Variants in LAMA2 observed in about 807,000 individuals in gnomAD.
LAMA2 encodes the protein laminin subunit alpha-2.
LAMA2 carries 269 observed loss-of-function variants against 364.8 expected under a neutral mutation model. The ratio of observed to expected loss-of-function variants is 0.74; its 90% CI spans 0.67 to 0.82. The LOEUF is 0.82. Ranked by LOEUF, LAMA2 falls within the 40% of genes least tolerant of loss-of-function variation. The pLI, the probability that LAMA2 is intolerant of heterozygous loss-of-function variation, is 0.00. For synonymous variants in LAMA2, 1,379 were observed against 1,370.6 expected (o/e 1.01, Z -0.14); for missense variants, 3,807 against 3,873.2 (o/e 0.98, Z 0.45).
At chr6:129,171,772 T>A (rs1780173904) in intron 9 of LAMA2, among the ~76,000 whole-genome samples, 1 of 116,558 alleles carries the variant, frequency 8.6e-6, no homozygotes, top group Non-Finnish European at 1.7e-5. Flanking sequence ...CAGAGTGTTT[T>A]CCAACTTGGT....
chr6:129,158,616 A>G (rs1779266654), intron 8 of LAMA2: 1 of 1,614,084 alleles, frequency 6.2e-7, no homozygotes, highest in African/African-American at 1.3e-5. Context: ...GCTGGAGAAG[A>G]TGATCATAGC....
intron 45 of LAMA2, among the ~76,000 whole-genome samples, chr6:129,451,693 A>G (rs1394473393): frequency 6.6e-6 from 1 of 152,172 alleles, no homozygotes; most frequent in Non-Finnish European, 1.5e-5. Flanking sequence ...GAATTTACCT[A>G]TTGCAAAAAT....
At chr6:128,902,965 A>G (rs1777183207) in intron 1 of LAMA2, among the ~76,000 whole-genome samples, 1 of 152,176 alleles carries the variant, frequency 6.6e-6, no homozygotes, top group Non-Finnish European at 1.5e-5. Flanking sequence ...CATTCTATTC[A>G]TAAATATGAC....
rs765600723 is a variant in LAMA2, at chr6:129,403,834, G to A, written c.5740G>A (p.Ala1914Thr). Residue 1914 changes from alanine (A) to threonine (T), a missense_variant, in exon 40 of 65, where the codon GCT becomes ACT. Physicochemically the swap from Ala to Thr is moderately conservative, Grantham distance 58. Coordinates refer to ENST00000421865, the MANE Select transcript of LAMA2 (RefSeq NM_000426.4). ...SAVLDGILDEAKNISFNATAA... is the reference protein window; with the variant it reads ...SAVLDGILDETKNISFNATAA... The stretch of plus-strand genomic sequence containing the variant: ...TCATCCCACCAGAATCCTTGATGAG[G>A]CTAAAAACATCTCCTTCAATGCCAC... 17 of 1,613,364 alleles carry A rather than the reference G, an allele frequency of 1.1e-5. No individual in the cohort carries two copies. The highest frequency in any genetic ancestry group is 1.6e-4 in the Middle Eastern group (1 of 6,082).
chr6:128,933,266 CTG>C (rs1582711948), intron 1 of LAMA2, among the ~76,000 whole-genome samples: 1 of 132,786 alleles, frequency 7.5e-6, no homozygotes, highest in Non-Finnish European at 1.7e-5. Context: ...GTGTGTGTGT[CTG>C]TGTGTCTGTG....
At chr6:128,929,167 A>G in intron 1 of LAMA2, 1 of 1,456,220 alleles carries the variant, frequency 6.9e-7, no homozygotes, top group Admixed American at 1.7e-5. Flanking sequence ...GCCGGTAGAT[A>G]AAATGAATGG....
At chr6:128,942,815 C>A (rs1250577590) in intron 1 of LAMA2, among the ~76,000 whole-genome samples, 3 of 152,122 alleles carry the variant, frequency 2.0e-5, no homozygotes, top group Non-Finnish European at 2.9e-5. Context: ...GCAGTTCAGC[C>A]TTAAGTACTT....
At chr6:128,972,719 A>G (rs959822948) in intron 1 of LAMA2, among the ~76,000 whole-genome samples, 1 of 152,116 alleles carries the variant, frequency 6.6e-6, no homozygotes, top group South Asian at 2.1e-4. Context: ...TGAAAAAAAT[A>G]CATGCCAGAT....
chr6:128,905,939 C>A, intron 1 of LAMA2, among the ~76,000 whole-genome samples: 1 of 151,898 alleles, frequency 6.6e-6, no homozygotes, highest in Non-Finnish European at 1.5e-5. Context: ...CCAATTTCAT[C>A]CATGTCCCTA....
chr6:129,478,803 G>A lies in LAMA2; in HGVS notation c.7562G>A (p.Cys2521Tyr). The A allele has an allele frequency of 6.2e-7, 1 of 1,613,230 alleles. No individual in the cohort carries two copies. The highest frequency in any genetic ancestry group is 8.5e-7 in the Non-Finnish European group (1 of 1,179,240). ...GATTATGTTGGTGTTACCAAAGGATGTTCCCTGGAGGTTGGTCTGTTTTTG... is the reference window on the plus strand; with the variant it reads ...GATTATGTTGGTGTTACCAAAGGATATTCCCTGGAGGTTGGTCTGTTTTTG... ...SPDYVGVTKG[C>Y]SLENVYTVSF... The change falls in exon 54 of 65, where the codon TGT becomes TAT. Residue 2521 changes from cysteine to tyrosine, a missense_variant. Cys to Tyr is a radical substitution (Grantham distance 194). This residue lies in a region of LAMA2 where 3,333 missense variants were observed against 3,345.7 expected (regional missense o/e 1.00). Coordinates refer to ENST00000421865, the MANE Select transcript of LAMA2 (RefSeq NM_000426.4).
chr6:128,996,606 C>G (rs1017527346), intron 1 of LAMA2, among the ~76,000 whole-genome samples: 1 of 152,092 alleles, frequency 6.6e-6, no homozygotes, highest in Non-Finnish European at 1.5e-5. Context: ...GAATGGCGAT[C>G]ATTAAAATGT....
chr6:129,514,272 G>T (rs1180313639), intron 63 of LAMA2, 101 bp from the exon 64 acceptor site: 3 of 883,600 alleles, frequency 3.4e-6, no homozygotes, highest in Admixed American at 2.0e-5. Flanking sequence ...AAATGATTCT[G>T]GCTGATGTCT....
At chr6:129,256,558 A>G (rs1786680768) in intron 14 of LAMA2, among the ~76,000 whole-genome samples, 2 of 151,880 alleles carry the variant, frequency 1.3e-5, no homozygotes, top group African/African-American at 4.8e-5. Context: ...CACAATGCAT[A>G]TAAATAGTGC....
At chr6:129,118,887 A>G (rs1776633358) in intron 4 of LAMA2, among the ~76,000 whole-genome samples, 1 of 152,238 alleles carries the variant, frequency 6.6e-6, no homozygotes, top group Non-Finnish European at 1.5e-5. Context: ...GATGTGTAAG[A>G]GTGAGGAACT....
At chr6:129,047,648 G>A (rs997855165) in intron 1 of LAMA2, among the ~76,000 whole-genome samples, 1 of 152,162 alleles carries the variant, frequency 6.6e-6, no homozygotes, top group East Asian at 1.9e-4. Context: ...CAAGAACTGA[G>A]TTGTCACTTG....
intron 1 of LAMA2, among the ~76,000 whole-genome samples, chr6:128,896,997 A>G (rs1377862719): frequency 2.0e-5 from 3 of 152,254 alleles, no homozygotes; most frequent in Non-Finnish European, 4.4e-5. Flanking sequence ...TATCAAAGGT[A>G]GATGCTATTA....
intron 1 of LAMA2, among the ~76,000 whole-genome samples, chr6:129,044,073 C>G (rs1189454404): frequency 1.3e-5 from 2 of 152,040 alleles, no homozygotes; most frequent in Non-Finnish European, 2.9e-5. Flanking sequence ...TGAGTTTTAG[C>G]CATTCTGGAG....
chr6:129,359,964 T>A (rs1371029676), intron 32 of LAMA2, among the ~76,000 whole-genome samples: 1 of 152,144 alleles, frequency 6.6e-6, no homozygotes, highest in Non-Finnish European at 1.5e-5. Context: ...CATAACAATC[T>A]GAATTTAGTA....
intron 21 of LAMA2, among the ~76,000 whole-genome samples, chr6:129,298,169 T>A (rs970900656): frequency 6.1e-5 from 2 of 32,610 alleles, no homozygotes; most frequent in Admixed American, 4.0e-4. Flanking sequence ...AAGTTAAATG[T>A]TCGATTTTTC....
Sources: gnomAD v4.1 joint callset for allele counts (sites outside exome capture counted in the v4.1 genomes callset) on GRCh38, gnomAD v4.1.1 for gene constraint, gnomAD v4.1.1 regional missense constraint, MANE v1.5 for transcripts, NCBI Gene and HGNC (gene_info 2026-07-23, HGNC 2026-07-21) for gene names.